NEIL1: variants seen among roughly 807,000 people sequenced by gnomAD.
NEIL1 encodes nei like DNA glycosylase 1.
NEIL1 carries 31 observed loss-of-function variants against 44.2 expected under a neutral mutation model. That is an observed-to-expected ratio of 0.70 (90% CI 0.53 to 0.95). NEIL1 has a LOEUF of 0.95. Among genes scored for constraint, NEIL1 ranks in the 40% least tolerant of loss-of-function variants. NEIL1 has a pLI of 0.00. For missense variants in NEIL1, 549 were observed against 515.5 expected (o/e 1.07, Z -0.63); for synonymous variants, 254 against 209.7 (o/e 1.21, Z -1.83).
intron 2 of NEIL1, chr15:75,351,899 G>A (rs2071922449): frequency 5.8e-6 from 3 of 513,974 alleles, no homozygotes. Flanking sequence ...TGAGATTACA[G>A]GCATGAGCCA....
chr15:75,350,544 T>G (rs999373892), intron 2 of NEIL1, among the ~76,000 whole-genome samples: 7 of 152,154 alleles, frequency 4.6e-5, no homozygotes, highest in African/African-American at 9.7e-5. Context: ...GGAGTAGGGT[T>G]GGCAAGTTCT....
Position 75,356,326 on chromosome 15 carries a change from G to T in NEIL1, c.*1292G>T, listed in dbSNP as rs779206038. 33 of 1,612,010 alleles carry T rather than the reference G, an allele frequency of 2.0e-5. No individual in the cohort carries two copies. Among genetic ancestry groups the T allele is most frequent in the African/African-American group, 1.6e-4 (12 of 74,710 alleles). Reference sequence around the variant, plus strand: ...CTGCTTGACGGTCTCCAATACGACCGCGGGTGAAGACACGGAAAACGCACT... The same window carrying T: ...CTGCTTGACGGTCTCCAATACGACCTCGGGTGAAGACACGGAAAACGCACT... On this transcript the variant is annotated 3_prime_UTR_variant, in exon 10 of 10. Coordinates refer to ENST00000355059, the MANE Select transcript of NEIL1 (RefSeq NM_024608.4). The surrounding 1 kb of genome is among the most constrained non-coding windows in gnomAD (Gnocchi z 5.8).
At position 75,354,677 on chromosome 15, in the gene NEIL1, C is replaced by G. The variant is rs147989844; in HGVS notation, c.961C>G (p.Pro321Ala). ...GGACGCTTTGCCTCCAAGCAAGGCC[C>G]CTTCCAGGACACGAAGGGCAAAGAG... ...VEDALPPSKA[P>A]SRTRRAKRDL... The change falls in exon 9 of 10, where the codon CCT (proline) becomes GCT (alanine). Residue 321 changes from proline to alanine, a missense_variant. Pro to Ala is a conservative substitution (Grantham distance 27). Transcript: ENST00000355059. 235 of 1,614,162 alleles carry G rather than the reference C, an allele frequency of 1.5e-4. No homozygotes were observed. The African/African-American group carries it at 2.9e-3, about 20-fold the overall frequency.
rs1286267315 is a variant in NEIL1 at position 75,349,270 on chromosome 15, G to C, written c.365G>C (p.Arg122Pro). ...LCFVDIRRFG[R>P]WDLGGKWQPG... is the part of the protein sequence containing the mutation. ...TTCGTGGACATCCGCCGGTTCGGCC[G>C]CTGGGACCTTGGGGGAAAGTGGCAG... is the stretch of plus-strand genomic sequence containing the variant. The change falls in exon 2 of 10, where the codon CGC becomes CCC. Residue 122 changes from arginine to proline, a missense_variant. Coordinates refer to ENST00000355059, the MANE Select transcript of NEIL1 (RefSeq NM_024608.4). The C allele has an allele frequency of 6.2e-7, 1 of 1,611,602 alleles. No individual in the cohort carries two copies. Among genetic ancestry groups the C allele is most frequent in the Non-Finnish European group, 8.5e-7 (1 of 1,179,716 alleles).
chr15:75,357,089 C>T lies in NEIL1; in HGVS notation c.*2055C>T, dbSNP rs1160440020. ...AGCCTCAGTTTCCTTATCTGTGAAA[C>T]GGGAATAAATAATAGTACTCACCCC... is the stretch of plus-strand genomic sequence containing the variant. On this transcript the variant is annotated 3_prime_UTR_variant, in exon 10 of 10. Coordinates refer to ENST00000355059, the MANE Select transcript of NEIL1 (RefSeq NM_024608.4). 3.4e-5 allele frequency: 20 copies of T among 596,186 alleles called. No homozygotes were observed. The highest frequency in any genetic ancestry group is 2.2e-4 in the East Asian group (8 of 36,060). The allele number at this position is 596,186 out of a possible 1,614,324, so 36.9% of individuals were successfully genotyped here.
Position 75,347,254 on chromosome 15 carries a change from G to GCGTACCGCGCACCTGTGCA in NEIL1, c.-238_-220dup, listed in dbSNP as rs377623072. 2.1e-3 allele frequency: 319 copies of GCGTACCGCGCACCTGTGCA among 152,536 alleles called. 1 individual carries two copies. The highest frequency in any genetic ancestry group is 7.1e-3 in the African/African-American group (294 of 41,588). The allele number at this position is 152,536 out of a possible 1,614,324, so 9.4% of individuals were successfully genotyped here. ...TCCCCACCGGGTCCCTAGGGCCTGTGCGTACCGCGCACCTGTGCACGTCCT... is the reference window on the plus strand; with the variant it reads ...TCCCCACCGGGTCCCTAGGGCCTGTGCGTACCGCGCACCTGTGCACGTACCGCGCACCTGTGCACGTCCT... On this transcript the variant is annotated 5_prime_UTR_variant, in exon 1 of 10. Transcript: ENST00000355059.
chr15:75,348,765 C>T, intron 1 of NEIL1, 119 bp from the exon 2 acceptor site: 1 of 1,461,534 alleles, frequency 6.8e-7, no homozygotes. Flanking sequence ...ACTTTCCTGC[C>T]AGCCGCAGCT....
At position 75,355,024 on chromosome 15, in the gene NEIL1, C is replaced by T; in HGVS notation, c.1163C>T (p.Ser388Leu). 1 of 1,613,890 alleles carries T rather than the reference C, an allele frequency of 6.2e-7. No homozygotes were observed. The highest frequency in any genetic ancestry group is 8.5e-7 in the Non-Finnish European group (1 of 1,179,892). Residue 388 changes from serine (S) to leucine (L), a missense_variant, in exon 10 of 10, where the codon TCA (serine) becomes TTA (leucine). Coordinates refer to ENST00000355059, the MANE Select transcript of NEIL1 (RefSeq NM_024608.4). Reference sequence around the variant, plus strand: ...CCATCCTTGGAACCAGAGGGGACCTCAGCCTCTTAGCAGGAGGCTCTCCTT... The same window carrying T: ...CCATCCTTGGAACCAGAGGGGACCTTAGCCTCTTAGCAGGAGGCTCTCCTT... ...DIPSLEPEGT[S>L]AS
chr15:75,356,246 G>C lies in NEIL1; in HGVS notation c.*1212G>C. 6.2e-7 allele frequency: 1 copy of C among 1,612,376 alleles called. No individual in the cohort carries two copies. Among genetic ancestry groups the C allele is most frequent in the Non-Finnish European group, 8.5e-7 (1 of 1,179,468 alleles). On this transcript the variant is annotated 3_prime_UTR_variant, in exon 10 of 10. Coordinates refer to ENST00000355059, the MANE Select transcript of NEIL1 (RefSeq NM_024608.4). The surrounding 1 kb of genome is among the most constrained non-coding windows in gnomAD (Gnocchi z 5.8). The stretch of plus-strand genomic sequence containing the variant: ...TGCAGAGGAACACGTCTGGTGGGAG[G>C]GGCCGAGGGCAGGCCCAGTTCGGAA...
At chr15:75,354,067 T>G in intron 6 of NEIL1, 183 bp from the exon 7 acceptor site, 5 of 1,018,042 alleles carry the variant, frequency 4.9e-6, no homozygotes, top group Non-Finnish European at 7.3e-6. Context: ...GTAGCCCAAG[T>G]GAAAGTAGCC....
intron 2 of NEIL1, chr15:75,351,279 T>TTTTTA: frequency 2.4e-6 from 1 of 412,840 alleles, no homozygotes; most frequent in East Asian, 7.6e-5. Flanking sequence ...TGTTGCTTTT[T>TTTTTA]TTTTTTTTTT....
In NEIL1 at chr15:75,356,267, C is replaced by A; in HGVS notation, c.*1233C>A. 1 of 1,611,184 alleles carries A rather than the reference C, an allele frequency of 6.2e-7. No homozygotes were observed. Among genetic ancestry groups the A allele is most frequent in the Non-Finnish European group, 8.5e-7 (1 of 1,178,532 alleles). The stretch of plus-strand genomic sequence containing the variant: ...GGAGGGGCCGAGGGCAGGCCCAGTT[C>A]GGAACCCCGTCCCCAGCACGTCCCA... On this transcript the variant is annotated 3_prime_UTR_variant, in exon 10 of 10. Coordinates refer to ENST00000355059, the MANE Select transcript of NEIL1 (RefSeq NM_024608.4). This position sits in a 1 kb window ranked among gnomAD's most constrained non-coding sequence, Gnocchi z 5.8.
In NEIL1 at chr15:75,356,726, T is replaced by TG. The variant is rs765781903; in HGVS notation, c.*1694dup. The TG allele has an allele frequency of 1.9e-6, 3 of 1,612,518 alleles. No homozygotes were observed. The highest frequency in any genetic ancestry group is 2.2e-5 in the East Asian group (1 of 44,850). On this transcript the variant is annotated 3_prime_UTR_variant, in exon 10 of 10. Coordinates refer to ENST00000355059, the MANE Select transcript of NEIL1 (RefSeq NM_024608.4). This position sits in a 1 kb window ranked among gnomAD's most constrained non-coding sequence, Gnocchi z 5.8. ...CGCGTAGGGGCCACGCTGAAGCTGT[T>TG]GGAGTTGTGGTCGGGAAGACCCATT...
rs930507219 is a variant in NEIL1, at chr15:75,348,950, T to C, written c.45T>C (p.Asn15=). Residue 15 remains asparagine, a synonymous_variant, in exon 2 of 10, where the codon AAT becomes AAC. Transcript: ENST00000355059. ...PELHLASQFV[N]EACRALVFGG... Reference sequence around the variant, plus strand: ...TGCACCTGGCCAGCCAGTTTGTGAATGAGGCCTGCAGGGCGCTGGTGTTCG... The same window carrying C: ...TGCACCTGGCCAGCCAGTTTGTGAACGAGGCCTGCAGGGCGCTGGTGTTCG... 5 of 1,613,274 alleles carry C rather than the reference T, an allele frequency of 3.1e-6. No homozygotes were observed. In the African/African-American group the frequency reaches 5.3e-5, roughly 17 times the overall value.
In NEIL1 at chr15:75,349,184, G is replaced by A; in HGVS notation, c.279G>A (p.Leu93=). 1.2e-6 allele frequency: 2 copies of A among 1,608,910 alleles called. No individual in the cohort carries two copies. The highest frequency in any genetic ancestry group is 1.7e-6 in the Non-Finnish European group (2 of 1,179,908). ...GSFQLVPREE[L]PRHAHLRFYT... is the part of the protein sequence containing the mutation. Reference sequence around the variant, plus strand: ...TTCAGCTGGTGCCCCGCGAGGAGCTGCCACGCCATGCCCACCTGCGCTTTT... The same window carrying A: ...TTCAGCTGGTGCCCCGCGAGGAGCTACCACGCCATGCCCACCTGCGCTTTT... The change falls in exon 2 of 10, where the codon CTG becomes CTA. Residue 93 remains leucine, a synonymous_variant. Transcript: ENST00000355059.
chr15:75,352,638 A>T lies in NEIL1; in HGVS notation c.655A>T (p.Lys219Ter). Residue 219 changes from lysine to a stop codon, truncating the protein, a stop_gained, in exon 5 of 10, where the codon AAG becomes TAG. Coordinates refer to ENST00000355059, the MANE Select transcript of NEIL1 (RefSeq NM_024608.4). LOFTEE classifies it high-confidence loss of function. The part of the protein sequence containing the change: ...ELTLSQKIRT[K>*]LQNPDLLELC... ...GACCCTGAGCCAGAAGATAAGGACC[A>T]AGCTGCAGAATCCAGACCTGCTGGA... The T allele has an allele frequency of 1.2e-6, 2 of 1,613,492 alleles. No homozygotes were observed. The highest frequency in any genetic ancestry group is 1.7e-5 in the Admixed American group (1 of 59,980).
At chr15:75,348,327 C>T in intron 1 of NEIL1, 2 of 986,368 alleles carry the variant, frequency 2.0e-6, no homozygotes, top group South Asian at 9.3e-5. Flanking sequence ...TCGCTCTTTC[C>T]CTCGGTGGTG....
chr15:75,350,004 G>C (rs2071756150), intron 2 of NEIL1, among the ~76,000 whole-genome samples: 1 of 152,206 alleles, frequency 6.6e-6, no homozygotes, highest in Non-Finnish European at 1.5e-5. Flanking sequence ...TGGTAAGTGA[G>C]GCTGAGCGGA....
Position 75,356,936 on chromosome 15 carries a change from C to G in NEIL1, c.*1902C>G. ...CAGATCCAAGACCCACTTGGTGGCC[C>G]TGTGCCCCTCTTTGTGCTCCCAGAC... On this transcript the variant is annotated 3_prime_UTR_variant, in exon 10 of 10. Transcript: ENST00000355059. This position sits in a 1 kb window ranked among gnomAD's most constrained non-coding sequence, Gnocchi z 5.8. 1 of 1,568,776 alleles carries G rather than the reference C, an allele frequency of 6.4e-7. No homozygotes were observed. The highest frequency in any genetic ancestry group is 8.8e-7 in the Non-Finnish European group (1 of 1,139,788).
Sources: allele counts gnomAD v4.1 joint callset (sites outside exome capture counted in the v4.1 genomes callset), GRCh38; gene constraint gnomAD v4.1.1; non-coding constraint Gnocchi (gnomAD v3.1); transcripts MANE v1.5; gene names NCBI Gene and HGNC (gene_info 2026-07-23, HGNC 2026-07-21).